Variants in EXOC6B observed in about 807,000 individuals in gnomAD.
EXOC6B encodes the protein SEC15 homolog B.
A neutral mutation model predicts 113.5 loss-of-function variants in EXOC6B; 54 were observed. That is an observed-to-expected ratio of 0.48 (90% CI 0.38 to 0.60). EXOC6B has a LOEUF of 0.60. Ranked by LOEUF, EXOC6B falls within the 20% of genes least tolerant of loss-of-function variation. The pLI is 0.00. For synonymous variants in EXOC6B, 357 were observed against 339.0 expected (o/e 1.05, Z -0.58); for missense variants, 797 against 977.5 (o/e 0.82, Z 2.46).
chr2:72,283,993 C>T (rs574095327), intron 20 of EXOC6B, among the ~76,000 whole-genome samples: 1 of 152,210 alleles, frequency 6.6e-6, no homozygotes, highest in Non-Finnish European at 1.5e-5. Flanking sequence ...ATAATTATAA[C>T]CTCCTAAAAC....
chr2:72,782,705 G>GT (rs1182991303), intron 1 of EXOC6B, among the ~76,000 whole-genome samples: 2 of 151,910 alleles, frequency 1.3e-5, no homozygotes, highest in Non-Finnish European at 2.9e-5. Context: ...CACTCCTCTG[G>GT]TATCTATCAT....
At chr2:72,580,056 A>AAAAC (rs202056539) in intron 6 of EXOC6B, among the ~76,000 whole-genome samples, 1 of 152,012 alleles carries the variant, frequency 6.6e-6, no homozygotes, top group Non-Finnish European at 1.5e-5. Flanking sequence ...CTCTTGAATT[A>AAAAC]AAACAAACAA....
At chr2:72,657,183 A>G (rs372538996) in intron 6 of EXOC6B, among the ~76,000 whole-genome samples, 12 of 148,652 alleles carry the variant, frequency 8.1e-5, no homozygotes, top group Admixed American at 1.3e-4. Flanking sequence ...TAGATCATCA[A>G]TATCTATTTT....
chr2:72,649,994 G>A (rs1341117776), intron 6 of EXOC6B, among the ~76,000 whole-genome samples: 3 of 152,210 alleles, frequency 2.0e-5, no homozygotes, highest in African/African-American at 7.2e-5. Context: ...CAGGCCACGG[G>A]CCAGTACCGG....
At chr2:72,664,340 G>T (rs570565684) in intron 6 of EXOC6B, among the ~76,000 whole-genome samples, 1 of 152,234 alleles carries the variant, frequency 6.6e-6, no homozygotes, top group African/African-American at 2.4e-5. Flanking sequence ...GGGAAGCTAG[G>T]ATCCCAGCAC....
chr2:72,249,411 C>G (rs1466690917), intron 20 of EXOC6B, among the ~76,000 whole-genome samples: 1 of 152,122 alleles, frequency 6.6e-6, no homozygotes, highest in Non-Finnish European at 1.5e-5. Flanking sequence ...CCCGCCACTA[C>G]ACCCGGCTAA....
chr2:72,472,784 G>A (rs1313821927), intron 17 of EXOC6B, among the ~76,000 whole-genome samples: 2 of 151,994 alleles, frequency 1.3e-5, no homozygotes, highest in Admixed American at 6.6e-5. Flanking sequence ...TTGTTTATTT[G>A]AAATATTTCT....
At chr2:72,663,504 G>A (rs544764970) in intron 6 of EXOC6B, among the ~76,000 whole-genome samples, 44 of 152,246 alleles carry the variant, frequency 2.9e-4, no homozygotes, top group Admixed American at 5.2e-4. Flanking sequence ...AATAATATAC[G>A]GGTCAAAGTG....
intron 11 of EXOC6B, among the ~76,000 whole-genome samples, chr2:72,512,883 C>G (rs1222655364): frequency 1.3e-5 from 2 of 152,032 alleles, no homozygotes; most frequent in African/African-American, 4.8e-5. Flanking sequence ...AGAACAACGT[C>G]TGACACATAG....
intron 19 of EXOC6B, among the ~76,000 whole-genome samples, chr2:72,359,889 T>C (rs1385183117): frequency 1.3e-5 from 2 of 152,034 alleles, no homozygotes; most frequent in Non-Finnish European, 2.9e-5. Context: ...AGCTGGTTGT[T>C]TAAAAGACTG....
chr2:72,365,709 G>A (rs947348984), intron 19 of EXOC6B, among the ~76,000 whole-genome samples: 10 of 152,100 alleles, frequency 6.6e-5, no homozygotes, highest in Admixed American at 6.5e-4. Context: ...GTGTTTGTAG[G>A]GGAGGCAATT....
rs367893265 is a variant in EXOC6B at position 72,459,156 on chromosome 2, C to A, written c.1980+6004G>T. ...AAAGGCCTTTGACAAAATTCAACAA[C>A]CTTCATGCTAAAAACTCTCAATAAA... On this transcript the variant is annotated intron_variant, in intron 18 of 21. Transcript: ENST00000272427. Among the ~76,000 whole-genome samples, 25 of 152,186 alleles carry A rather than the reference C, an allele frequency of 1.6e-4. 2 individuals are homozygous for A. The highest frequency in any genetic ancestry group is 4.6e-4 in the African/African-American group (19 of 41,544).
At chr2:72,676,379 G>C (rs142038338) in intron 6 of EXOC6B, among the ~76,000 whole-genome samples, 63 of 152,208 alleles carry the variant, frequency 4.1e-4, no homozygotes, top group African/African-American at 1.3e-3. Flanking sequence ...TCATAGAAAT[G>C]TTGTAAACAC....
At chr2:72,658,117 T>G (rs1254819471) in intron 6 of EXOC6B, among the ~76,000 whole-genome samples, 1 of 150,998 alleles carries the variant, frequency 6.6e-6, no homozygotes, top group African/African-American at 2.4e-5. Context: ...TAAACCATAC[T>G]GAAGGTAACA....
At chr2:72,372,805 T>C (rs1458008083) in intron 19 of EXOC6B, among the ~76,000 whole-genome samples, 3 of 151,516 alleles carry the variant, frequency 2.0e-5, no homozygotes, top group Non-Finnish European at 2.9e-5. Context: ...GACTGCACCA[T>C]TGCACTCCAG....
intron 1 of EXOC6B, among the ~76,000 whole-genome samples, chr2:72,814,576 C>T (rs749405365): frequency 1.1e-4 from 17 of 152,212 alleles, no homozygotes; most frequent in Non-Finnish European, 2.5e-4. Context: ...AAATGTTTCA[C>T]TGCGTAATGT....
intron 16 of EXOC6B, among the ~76,000 whole-genome samples, chr2:72,491,809 C>T (rs1699759498): frequency 6.6e-6 from 1 of 152,054 alleles, no homozygotes; most frequent in African/African-American, 2.4e-5. Flanking sequence ...AGTCCTTTTG[C>T]AAACAAACTA....
At chr2:72,545,195 T>G (rs1702827356) in intron 8 of EXOC6B, among the ~76,000 whole-genome samples, 1 of 152,088 alleles carries the variant, frequency 6.6e-6, no homozygotes, top group South Asian at 2.1e-4. Context: ...CAGTAACAGA[T>G]CTATTTGTTT....
chr2:72,427,068 G>A (rs1695238466), intron 18 of EXOC6B, among the ~76,000 whole-genome samples: 1 of 152,234 alleles, frequency 6.6e-6, no homozygotes, highest in Non-Finnish European at 1.5e-5. Context: ...GGGAGAAGGG[G>A]GTTGGCAGAG....
Sources: allele counts gnomAD v4.1 joint callset (sites outside exome capture counted in the v4.1 genomes callset), GRCh38; gene constraint gnomAD v4.1.1; transcripts MANE v1.5; gene names NCBI Gene and HGNC (gene_info 2026-07-23, HGNC 2026-07-21).